The following SHISA9 variants were observed in gnomAD, a reference collection of about 807,000 sequenced individuals.
The protein encoded by SHISA9 is protein shisa-9.
A neutral mutation model predicts 38.0 loss-of-function variants in SHISA9; 13 were observed. That is an observed-to-expected ratio of 0.34 (90% CI 0.22 to 0.54). The LOEUF is 0.54. SHISA9 is among the 20% of genes least tolerant of loss of function. The pLI is 0.91. For synonymous variants in SHISA9, 275 were observed against 242.0 expected, an observed-to-expected ratio of 1.14 and a Z score of -1.27; for missense variants, 538 against 575.8, an observed-to-expected ratio of 0.93 and a Z score of 0.67.
At chr16:13,060,524 G>A (rs565164505) in intron 2 of SHISA9, among the ~76,000 whole-genome samples, 8 of 151,536 alleles carry the variant, frequency 5.3e-5, no homozygotes, top group South Asian at 2.1e-4. Context: ...AGCCTTGGGC[G>A]ATGGTAGGTG....
intron 2 of SHISA9, among the ~76,000 whole-genome samples, chr16:12,960,505 TG>T (rs1271872508): frequency 1.3e-5 from 2 of 152,074 alleles, no homozygotes; most frequent in African/African-American, 4.8e-5. Flanking sequence ...AGCAAAGACA[TG>T]GAATCAACCC....
the SHISA9 span, among the ~76,000 whole-genome samples, chr16:13,467,500 C>A: frequency 2.0e-5 from 3 of 152,170 alleles, no homozygotes; most frequent in African/African-American, 7.2e-5. Context: ...TTGGACTGAG[C>A]CACACTATCA....
chr16:13,381,537 A>T, the SHISA9 span, among the ~76,000 whole-genome samples: 1 of 152,230 alleles, frequency 6.6e-6, no homozygotes, highest in African/African-American at 2.4e-5. Flanking sequence ...AACAAGTTAT[A>T]TTGTAAACAT....
At chr16:13,209,229 T>A (rs2051095627) in intron 3 of SHISA9, among the ~76,000 whole-genome samples, 2 of 152,182 alleles carry the variant, frequency 1.3e-5, no homozygotes, top group Admixed American at 1.3e-4. Flanking sequence ...CGGTCATCAT[T>A]TTCCCCTGAT....
chr16:13,194,297 C>A (rs1274247541), intron 2 of SHISA9, among the ~76,000 whole-genome samples: 1 of 152,180 alleles, frequency 6.6e-6, no homozygotes, highest in Non-Finnish European at 1.5e-5. Flanking sequence ...TACTGTCTGG[C>A]TGCCAAATCA....
At chr16:13,478,349 A>T in the SHISA9 span, among the ~76,000 whole-genome samples, 980 of 152,262 alleles carry the variant, frequency 6.4e-3, 5 homozygotes, top group Middle Eastern at 0.061. Flanking sequence ...AAAAATATAC[A>T]CTTGCAAATC....
chr16:13,242,637 T>C (rs1266891847), downstream of SHISA9, among the ~76,000 whole-genome samples: 1 of 152,200 alleles, frequency 6.6e-6, no homozygotes, highest in Non-Finnish European at 1.5e-5. Flanking sequence ...AATGCCAATT[T>C]GCCACGTGCC....
chr16:13,339,165 CTTT>C, the SHISA9 span, among the ~76,000 whole-genome samples: 1 of 132,854 alleles, frequency 7.5e-6, no homozygotes, highest in Non-Finnish European at 1.6e-5. Flanking sequence ...CTTATTGTGA[CTTT>C]TTTTTTTTTT....
intron 2 of SHISA9, among the ~76,000 whole-genome samples, chr16:12,995,325 C>T (rs74793291): frequency 0.01 from 1,528 of 152,274 alleles, 6 homozygotes; most frequent in South Asian, 0.027. Flanking sequence ...AGGTCTTATT[C>T]ATTCTTTTTA....
the SHISA9 span, among the ~76,000 whole-genome samples, chr16:13,366,982 C>CAAA: frequency 2.3e-4 from 21 of 92,470 alleles, no homozygotes; most frequent in Middle Eastern, 5.6e-3. Flanking sequence ...GGCTCCATCT[C>CAAA]AAAAAAAAAA....
intron 2 of SHISA9, among the ~76,000 whole-genome samples, chr16:13,079,527 T>A: frequency 6.6e-6 from 1 of 152,340 alleles, no homozygotes; most frequent in East Asian, 1.9e-4. Flanking sequence ...ATTAGCAAAT[T>A]ACACTCATTT....
chr16:13,030,424 C>T (rs901359523), intron 2 of SHISA9, among the ~76,000 whole-genome samples: 6 of 152,162 alleles, frequency 3.9e-5, no homozygotes, highest in Non-Finnish European at 7.3e-5. Context: ...AGGGGTTTCT[C>T]ATAGGATTGA....
the SHISA9 span, among the ~76,000 whole-genome samples, chr16:13,410,816 T>C: frequency 0.014 from 2,093 of 152,304 alleles, 46 homozygotes; most frequent in African/African-American, 0.048. Flanking sequence ...TGAATACACC[T>C]AGTGAAAAGG....
At chr16:12,906,562 T>A (rs1024235469) in intron 1 of SHISA9, among the ~76,000 whole-genome samples, 1 of 152,214 alleles carries the variant, frequency 6.6e-6, no homozygotes, top group Non-Finnish European at 1.5e-5. Context: ...AATAAATGAC[T>A]GCACATGGCA....
the SHISA9 span, among the ~76,000 whole-genome samples, chr16:13,510,593 C>T: frequency 6.6e-6 from 1 of 152,194 alleles, no homozygotes; most frequent in Non-Finnish European, 1.5e-5. Flanking sequence ...AGCAGTGACT[C>T]ACTTTTCTCA....
chr16:12,925,841 A>G (rs146729584), intron 2 of SHISA9, among the ~76,000 whole-genome samples: 1 of 152,230 alleles, frequency 6.6e-6, no homozygotes, highest in East Asian at 1.9e-4. Flanking sequence ...TAAATAAAAC[A>G]ATTGCTTTTT....
chr16:13,391,366 C>T, the SHISA9 span, among the ~76,000 whole-genome samples: 6 of 152,136 alleles, frequency 3.9e-5, no homozygotes, highest in Non-Finnish European at 8.8e-5. Context: ...CTCTGTACAG[C>T]AGAGATTTAG....
chr16:13,317,505 G>T, the SHISA9 span, among the ~76,000 whole-genome samples: 1 of 152,034 alleles, frequency 6.6e-6, no homozygotes, highest in Non-Finnish European at 1.5e-5. Flanking sequence ...ACAACATGCA[G>T]GTTTGTTACA....
chr16:13,481,572 C>T, the SHISA9 span, among the ~76,000 whole-genome samples: 1 of 152,176 alleles, frequency 6.6e-6, no homozygotes, highest in African/African-American at 2.4e-5. Flanking sequence ...TAACTGACAG[C>T]TTATGTGTCT....
Sources: gnomAD v4.1 joint callset for allele counts (sites outside exome capture counted in the v4.1 genomes callset) on GRCh38, gnomAD v4.1.1 for gene constraint, MANE v1.5 for transcripts, NCBI Gene and HGNC (gene_info 2026-07-23, HGNC 2026-07-21) for gene names.